Variants in ASXL1 observed in about 807,000 individuals in gnomAD.
The protein encoded by ASXL1 is polycomb group protein ASXL1.
ASXL1 carries 65 observed loss-of-function variants against 89.1 expected under a neutral mutation model. The observed-to-expected ratio is 0.73, with a 90% CI of 0.60 to 0.90. The LOEUF (loss-of-function observed/expected upper bound fraction) is 0.90. ASXL1 is among the 40% of genes least tolerant of loss of function. The probability of loss-of-function intolerance (pLI) is 0.00; values close to 1 mark genes in which losing one functional copy is unlikely to be tolerated. For missense variants in ASXL1, 1,786 were observed against 1,942.9 expected (o/e 0.92, Z 1.52); for synonymous variants, 739 against 746.9 (o/e 0.99, Z 0.17).
At chr20:32,366,879 A>T (rs1295540539) in intron 2 of ASXL1, among the ~76,000 whole-genome samples, 1 of 152,272 alleles carries the variant, frequency 6.6e-6, no homozygotes. Flanking sequence ...TCATCAACAT[A>T]AAAAACCACT....
intron 4 of ASXL1, among the ~76,000 whole-genome samples, chr20:32,419,940 G>A (rs190799348): frequency 2.0e-5 from 3 of 152,070 alleles, no homozygotes; most frequent in South Asian, 2.1e-4. Context: ...TCGGCCTCCC[G>A]AAATGCTGGC....
chr20:32,413,261 A>G (rs960448791), intron 4 of ASXL1, among the ~76,000 whole-genome samples: 2 of 152,204 alleles, frequency 1.3e-5, no homozygotes, highest in African/African-American at 4.8e-5. Flanking sequence ...AGAAGAATAC[A>G]CCGGAAACAA....
At chr20:32,358,936 G>A in intron 1 of ASXL1, 104 bp downstream of exon 1, 2 of 1,200,762 alleles carry the variant, frequency 1.7e-6, no homozygotes. Context: ...CCCACCGCGG[G>A]AGGGGGCGGG....
At chr20:32,416,584 A>G (rs555808910) in intron 4 of ASXL1, among the ~76,000 whole-genome samples, 1 of 152,336 alleles carries the variant, frequency 6.6e-6, no homozygotes, top group Admixed American at 6.5e-5. Flanking sequence ...TTATTTATCC[A>G]GTCCCCTGCT....
intron 4 of ASXL1, among the ~76,000 whole-genome samples, chr20:32,372,971 C>CT (rs938573089): frequency 6.9e-6 from 1 of 145,254 alleles, no homozygotes; most frequent in Non-Finnish European, 1.5e-5. Flanking sequence ...TAGAGACAGT[C>CT]TCGCTTTGTT....
chr20:32,435,914 C>G lies in ASXL1; in HGVS notation c.3202C>G (p.Arg1068Gly), dbSNP rs764651405. The G allele has an allele frequency of 2.5e-6, 4 of 1,614,032 alleles. No homozygotes were observed. The African/African-American group carries it at 4.0e-5, about 16-fold the overall frequency. ...GGTTGCTCCTCAGAGCTGGGTGTCT[C>G]GAGTATGTGCGGTCCGCCAAAAGAT... ...GMVAPQSWVSRVCAVRQKIPD... is the reference protein window; with the variant it reads ...GMVAPQSWVSGVCAVRQKIPD... Residue 1068 changes from arginine (R) to glycine (G), a missense_variant, in exon 13 of 13, where the codon CGA becomes GGA. Physicochemically the swap from Arg to Gly is moderately radical, Grantham distance 125. This residue lies in a region of ASXL1 where 1,418 missense variants were observed against 1,427.8 expected (regional missense o/e 0.99). Coordinates refer to ENST00000375687, the MANE Select transcript of ASXL1 (RefSeq NM_015338.6).
chr20:32,425,670 C>T (rs1279477403), intron 4 of ASXL1, among the ~76,000 whole-genome samples: 1 of 152,018 alleles, frequency 6.6e-6, no homozygotes, highest in South Asian at 2.1e-4. Context: ...TATTTTTCTT[C>T]TGAGTTGCCT....
At chr20:32,367,677 T>C in intron 2 of ASXL1, 50 bp from the exon 3 acceptor site, 1 of 780,446 alleles carries the variant, frequency 1.3e-6, no homozygotes, top group Non-Finnish European at 2.4e-6. Context: ...TTATGGGCTA[T>C]TTCCCATCAT....
intron 4 of ASXL1, among the ~76,000 whole-genome samples, chr20:32,397,720 T>C (rs970364035): frequency 6.6e-6 from 1 of 151,374 alleles, no homozygotes; most frequent in African/African-American, 2.5e-5. Context: ...AAGAAAAGTT[T>C]ATGAATTAGT....
At chr20:32,391,966 AT>A (rs11483370) in intron 4 of ASXL1, among the ~76,000 whole-genome samples, 180 of 144,866 alleles carry the variant, frequency 1.2e-3, no homozygotes, top group Middle Eastern at 3.5e-3. Flanking sequence ...TTGGACCTTG[AT>A]TTTTTTTTTT....
At position 32,435,409 on chromosome 20, in the gene ASXL1, A is replaced by T; in HGVS notation, c.2697A>T (p.Ile899=). The T allele has an allele frequency of 6.2e-7, 1 of 1,614,154 alleles. No homozygotes were observed. Among genetic ancestry groups the T allele is most frequent in the Non-Finnish European group, 8.5e-7 (1 of 1,180,020 alleles). Residue 899 remains isoleucine (I), a synonymous_variant, in exon 13 of 13, where the codon ATA becomes ATT. Transcript: ENST00000375687. Reference sequence around the variant, plus strand: ...TTTCTAACAGTTCTTTGCATTGGATACCCATCCCATCGAATGATGAGGTAG... The same window carrying T: ...TTTCTAACAGTTCTTTGCATTGGATTCCCATCCCATCGAATGATGAGGTAG... ...ALVSNSSLHW[I]PIPSNDEVVK...
intron 4 of ASXL1, among the ~76,000 whole-genome samples, chr20:32,399,544 TTTCTC>T (rs2048832707): frequency 6.6e-6 from 1 of 151,420 alleles, no homozygotes; most frequent in Admixed American, 6.6e-5. Context: ...TTCCATTTAA[TTTCTC>T]TTTTCTTTTT....
Position 32,433,444 on chromosome 20 carries a change from C to T in ASXL1, c.1246C>T (p.Leu416Phe), listed in dbSNP as rs2123256720. The T allele has an allele frequency of 6.2e-7, 1 of 1,614,216 alleles. No individual in the cohort carries two copies. Among genetic ancestry groups the T allele is most frequent in the Non-Finnish European group, 8.5e-7 (1 of 1,180,042 alleles). ...TTTTAAGAAACGCTCTCGGCCAGATCTCCGAACCAGAGCCAGAAGGAATCT... is the reference window on the plus strand; with the variant it reads ...TTTTAAGAAACGCTCTCGGCCAGATTTCCGAACCAGAGCCAGAAGGAATCT... ...GHFKKRSRPDLRTRARRNLYK... is the reference protein window; with the variant it reads ...GHFKKRSRPDFRTRARRNLYK... The change falls in exon 12 of 13, where the codon CTC becomes TTC. Residue 416 changes from leucine (L) to phenylalanine (F), a missense_variant. Leu to Phe is a conservative substitution (Grantham distance 22). Transcript: ENST00000375687.
chr20:32,388,435 C>T (rs951815747), intron 4 of ASXL1, among the ~76,000 whole-genome samples: 2 of 152,226 alleles, frequency 1.3e-5, no homozygotes, highest in African/African-American at 4.8e-5. Flanking sequence ...CTCAGCCTCC[C>T]AAAGTGTTGG....
intron 4 of ASXL1, among the ~76,000 whole-genome samples, chr20:32,382,271 G>A (rs1161526462): frequency 2.0e-5 from 3 of 151,832 alleles, no homozygotes; most frequent in Admixed American, 6.6e-5. Flanking sequence ...CAGCGCACCC[G>A]GCCTCTTGCC....
At chr20:32,412,648 GGCAATGGTGGGATC>G (rs1322913767) in intron 4 of ASXL1, among the ~76,000 whole-genome samples, 2 of 150,374 alleles carry the variant, frequency 1.3e-5, no homozygotes, top group African/African-American at 4.9e-5. Flanking sequence ...CAGGCTGGAG[GGCAATGGTGGGATC>G]GTAGCTCACG....
rs1249356614 is a variant in ASXL1 at position 32,433,501 on chromosome 20, G to T, written c.1303G>T (p.Val435Phe). 2 of 1,614,070 alleles carry T rather than the reference G, an allele frequency of 1.2e-6. No individual in the cohort carries two copies. The highest frequency in any genetic ancestry group is 2.2e-5 in the East Asian group (1 of 44,900). ...AAAACAGGAGTCAGAACAAGCAGGGGTTGCTAAGGATGCAAAATCTGTGGC... is the reference window on the plus strand; with the variant it reads ...AAAACAGGAGTCAGAACAAGCAGGGTTTGCTAAGGATGCAAAATCTGTGGC... ...YKKQESEQAG[V>F]AKDAKSVASD... Residue 435 changes from valine (V) to phenylalanine (F), a missense_variant, in exon 12 of 13, where the codon GTT (valine) becomes TTT (phenylalanine). Val to Phe is a conservative substitution (Grantham distance 50). Coordinates refer to ENST00000375687, the MANE Select transcript of ASXL1 (RefSeq NM_015338.6).
Position 32,434,836 on chromosome 20 carries a change from GGCCGGAACT to G in ASXL1, c.2128_2136del (p.Gly710_Ala712del). 3 of 1,614,154 alleles carry G rather than the reference GGCCGGAACT, an allele frequency of 1.9e-6. No homozygotes were observed. Among genetic ancestry groups the G allele is most frequent in the Non-Finnish European group, 2.5e-6 (3 of 1,180,044 alleles). On this transcript the variant is annotated inframe_deletion, in exon 13 of 13. Coordinates refer to ENST00000375687, the MANE Select transcript of ASXL1 (RefSeq NM_015338.6). ...ATCCTCTAAATGGGGAGCATACCCA[GGCCGGAACT>G]GCCATGTCCAGAGCTAGGAGAGAGG... is the stretch of plus-strand genomic sequence containing the variant.
intron 1 of ASXL1, chr20:32,359,048 C>A (rs1292530943): frequency 1.6e-6 from 1 of 611,378 alleles, no homozygotes; most frequent in South Asian, 2.0e-5. Flanking sequence ...CTCGCGCCCC[C>A]CCCGCCCCGC....
Sources: allele counts gnomAD v4.1 joint callset (sites outside exome capture counted in the v4.1 genomes callset), GRCh38; gene constraint gnomAD v4.1.1; regional missense constraint gnomAD v4.1.1; transcripts MANE v1.5; gene names NCBI Gene and HGNC (gene_info 2026-07-23, HGNC 2026-07-21).